HEXB: variants seen among roughly 807,000 people sequenced by gnomAD.
HEXB encodes hexosaminidase subunit beta.
Under a neutral mutation model 71.2 loss-of-function variants are expected in HEXB, and 51 were observed. That is an observed-to-expected ratio of 0.72 (90% CI 0.57 to 0.90). The LOEUF is 0.90. Ranked by LOEUF, HEXB falls within the 40% of genes least tolerant of loss-of-function variation. The pLI is 0.00. For synonymous variants in HEXB, 266 were observed against 249.3 expected (o/e 1.07, Z -0.63); for missense variants, 617 against 677.0 (o/e 0.91, Z 0.98).
chr5:74,645,414 T>C (rs1170685232), intron 1 of HEXB, among the ~76,000 whole-genome samples: 1 of 152,236 alleles, frequency 6.6e-6, no homozygotes, highest in African/African-American at 2.4e-5. Flanking sequence ...TCACTACTGC[T>C]ACATATAAAT....
intron 1 of HEXB, among the ~76,000 whole-genome samples, chr5:74,674,889 G>C (rs922833227): frequency 3.9e-5 from 6 of 152,146 alleles, no homozygotes; most frequent in African/African-American, 1.4e-4. Flanking sequence ...GTCTGAGCTA[G>C]AAATCTGATA....
intron 1 of HEXB, among the ~76,000 whole-genome samples, chr5:74,663,949 G>A (rs1748379138): frequency 6.6e-6 from 1 of 151,462 alleles, no homozygotes. Flanking sequence ...AACATAGTGG[G>A]ATCCTGTATC....
intron 13 of HEXB, 131 bp downstream of exon 13, chr5:74,720,878 GTAA>G (rs1749824365): frequency 7.1e-6 from 6 of 843,054 alleles, no homozygotes; most frequent in South Asian, 1.5e-5. Flanking sequence ...TTTTTTGTAA[GTAA>G]TAATACCTGT....
At chr5:74,682,253 G>C (rs1308370130), upstream of HEXB, among the ~76,000 whole-genome samples, 3 of 152,246 alleles carry the variant, frequency 2.0e-5, no homozygotes, top group Non-Finnish European at 4.4e-5. Context: ...AGCTACGCCG[G>C]AGGCTGAGGC....
At chr5:74,684,491 A>G (rs1392363948), upstream of HEXB, among the ~76,000 whole-genome samples, 1 of 152,138 alleles carries the variant, frequency 6.6e-6, no homozygotes, top group African/African-American at 2.4e-5. Flanking sequence ...AAATAAACTC[A>G]GCTCTCATCT....
At position 74,652,220 on chromosome 5, in the gene HEXB, A is replaced by G. The variant is rs1748126079; in HGVS notation, c.-377+11662A>G. 6.6e-6 allele frequency among the ~76,000 whole-genome samples: 1 copy of G among 152,236 alleles called. No homozygotes were observed. Among genetic ancestry groups the G allele is most frequent in the Non-Finnish European group, 1.5e-5 (1 of 68,038 alleles). On this transcript the variant is annotated intron_variant, in intron 1 of 13. Coordinates refer to the HEXB transcript ENST00000511181. This position sits in a 1 kb window ranked among gnomAD's most constrained non-coding sequence, Gnocchi z 5.4. ...TTACCTCTCAACAATCCCAGGAGGT[A>G]GATACTATCATTATCTCCATTTTGC... is the stretch of plus-strand genomic sequence containing the variant.
At chr5:74,656,063 T>G (rs940392193) in intron 1 of HEXB, among the ~76,000 whole-genome samples, 5 of 152,194 alleles carry the variant, frequency 3.3e-5, no homozygotes, top group African/African-American at 1.2e-4. Flanking sequence ...AAATGAATCC[T>G]GAATAAAGCT....
intron 9 of HEXB, among the ~76,000 whole-genome samples, chr5:74,717,338 AGC>A (rs1749695195): frequency 6.6e-6 from 1 of 152,188 alleles, no homozygotes; most frequent in African/African-American, 2.4e-5. Flanking sequence ...CCAATACAGT[AGC>A]CATAGCCACA....
upstream of HEXB, chr5:74,685,159 G>T: frequency 7.8e-7 from 1 of 1,285,902 alleles, no homozygotes. Flanking sequence ...CATCTGACTC[G>T]GTGACTCACC....
chr5:74,708,669 C>A (rs958371241), intron 6 of HEXB, among the ~76,000 whole-genome samples: 3 of 151,828 alleles, frequency 2.0e-5, no homozygotes, highest in Non-Finnish European at 2.9e-5. Flanking sequence ...GACTTTTAAA[C>A]CAACAAAGAT....
At chr5:74,670,600 G>C (rs1748516112) in intron 1 of HEXB, among the ~76,000 whole-genome samples, 1 of 152,208 alleles carries the variant, frequency 6.6e-6, no homozygotes, top group Non-Finnish European at 1.5e-5. Context: ...AGAGCTGCCA[G>C]CCAGGGTGGG....
At chr5:74,686,376 G>C (rs142847565) in intron 1 of HEXB, among the ~76,000 whole-genome samples, 246 of 152,332 alleles carry the variant, frequency 1.6e-3, no homozygotes, top group Non-Finnish European at 1.6e-3. Context: ...AGGTGGGACT[G>C]TCCTGAAGGC....
Position 74,685,516 on chromosome 5 carries a change from ACG to A in HEXB, c.257_258del (p.Thr86SerfsTer28). 6.2e-7 allele frequency: 1 copy of A among 1,600,496 alleles called. No individual in the cohort carries two copies. Among genetic ancestry groups the A allele is most frequent in the East Asian group, 2.3e-5 (1 of 43,986 alleles). ...NFYISHSPNS[T>X]AGPSCTLLEE... is the part of the protein sequence containing the mutation. ...CTACATCAGCCACAGCCCCAATTCC[ACG>A]GCGGGCCCCTCCTGCACCCTGCTGG... is the stretch of plus-strand genomic sequence containing the variant. On this transcript the variant is annotated frameshift_variant, in exon 1 of 14. Coordinates refer to ENST00000261416, the MANE Select transcript of HEXB (RefSeq NM_000521.4). LOFTEE classifies it high-confidence loss of function.
chr5:74,663,655 T>C (rs1748373542), intron 1 of HEXB, among the ~76,000 whole-genome samples: 1 of 152,208 alleles, frequency 6.6e-6, no homozygotes, highest in Admixed American at 6.5e-5. Flanking sequence ...GTCAAGGGTT[T>C]CAAAGTCAGG....
At chr5:74,649,077 C>A (rs1748055920) in intron 1 of HEXB, among the ~76,000 whole-genome samples, 1 of 152,154 alleles carries the variant, frequency 6.6e-6, no homozygotes, top group Admixed American at 6.5e-5. Context: ...GTGTGTAGAC[C>A]CTTGTGGATC....
intron 6 of HEXB, among the ~76,000 whole-genome samples, chr5:74,710,202 A>G (rs912235039): frequency 1.3e-5 from 2 of 152,130 alleles, no homozygotes; most frequent in Non-Finnish European, 1.5e-5. Context: ...GATTATCTCA[A>G]TGGATGCAGA....
rs1359736701 is a variant in HEXB at position 74,652,053 on chromosome 5, C to G, written c.-377+11495C>G. On this transcript the variant is annotated intron_variant, in intron 1 of 13. Coordinates refer to the HEXB transcript ENST00000511181. The surrounding 1 kb of genome is among the most constrained non-coding windows in gnomAD (Gnocchi z 5.4). ...TGTCTAAAAAGTCAGACACTGCATT[C>G]TTTTGCTTGGTCTAATACTCAACTC... is the stretch of plus-strand genomic sequence containing the variant. Among the ~76,000 whole-genome samples the G allele has an allele frequency of 6.6e-6, 1 of 152,198 alleles. No homozygotes were observed. The highest frequency in any genetic ancestry group is 1.5e-5 in the Non-Finnish European group (1 of 68,026).
intron 6 of HEXB, among the ~76,000 whole-genome samples, chr5:74,710,253 ACT>A (rs1749507354): frequency 6.6e-6 from 1 of 151,614 alleles, no homozygotes; most frequent in Non-Finnish European, 1.5e-5. Context: ...CATGCTAAAA[ACT>A]CTCAATAAAT....
In HEXB at chr5:74,648,978, C is replaced by T. The variant is rs1748053424; in HGVS notation, c.-377+8420C>T. 2.0e-5 allele frequency among the ~76,000 whole-genome samples: 3 copies of T among 152,120 alleles called. No individual in the cohort carries two copies. The South Asian group carries it at 6.2e-4, about 32-fold the overall frequency. ...ACAGAATTTGGGTAAAGCAATAGTG[C>T]CCTCTTCTGGCTACAATGAAAAACC... On this transcript the variant is annotated intron_variant, in intron 1 of 13. Transcript: ENST00000511181.
Sources: gnomAD v4.1 joint callset for allele counts (sites outside exome capture counted in the v4.1 genomes callset) on GRCh38, gnomAD v4.1.1 for gene constraint, Gnocchi (gnomAD v3.1) non-coding constraint, MANE v1.5 for transcripts, NCBI Gene and HGNC (gene_info 2026-07-23, HGNC 2026-07-21) for gene names.